ACO1: variants seen among roughly 807,000 people sequenced by gnomAD.
The protein encoded by ACO1 is aconitase 1.
Under a neutral mutation model 105.1 loss-of-function variants are expected in ACO1, and 78 were observed. The observed-to-expected ratio is 0.74, with a 90% CI of 0.62 to 0.90. The LOEUF (loss-of-function observed/expected upper bound fraction) is 0.90. Ranked by LOEUF, ACO1 falls within the 40% of genes least tolerant of loss-of-function variation. The pLI, the probability that ACO1 is intolerant of heterozygous loss-of-function variation, is 0.00. For missense variants in ACO1, 965 were observed against 1,111.1 expected (o/e 0.87, Z 1.87); for synonymous variants, 364 against 397.4 (o/e 0.92, Z 1.00).
rs969979591 is a variant in ACO1 at position 32,384,665 on chromosome 9, A to G, written c.-93A>G. ...GTGGAGGCGGCAGCTGGAACCGCGC[A>G]GCGCACGGGAACGCGTCCCGCTGCT... On this transcript the variant is annotated 5_prime_UTR_variant, in exon 1 of 21. Transcript: ENST00000309951. The G allele has an allele frequency of 7.5e-6, 3 of 399,262 alleles. No homozygotes were observed. The highest frequency in any genetic ancestry group is 1.7e-5 in the South Asian group (1 of 58,892). The allele number at this position is 399,262 out of a possible 1,614,324, so 24.7% of individuals were successfully genotyped here. A position where few individuals can be genotyped will look rare whatever the true frequency, so the allele number is the denominator to read the frequency against.
chr9:32,418,480 CATG>C lies in ACO1; in HGVS notation c.630_632del (p.Met210del). ...TCGTGGGCACAGACTCGCACACTAC[CATG>C]ATTGATGGCTTGGGCATTCTTGGTT... On this transcript the variant is annotated inframe_deletion, in exon 6 of 21. Coordinates refer to ENST00000309951, the MANE Select transcript of ACO1 (RefSeq NM_002197.3). The C allele has an allele frequency of 6.2e-7, 1 of 1,613,714 alleles. No homozygotes were observed. Among genetic ancestry groups the C allele is most frequent in the Non-Finnish European group, 8.5e-7 (1 of 1,179,670 alleles).
At chr9:32,413,904 CT>C (rs1213997472) in intron 4 of ACO1, among the ~76,000 whole-genome samples, 2 of 151,994 alleles carry the variant, frequency 1.3e-5, no homozygotes, top group African/African-American at 4.8e-5. Context: ...AATCCCAGCA[CT>C]TTGGGAGGCT....
At position 32,454,138 on chromosome 9, in the gene ACO1, C is replaced by A. The variant is rs145415507; in HGVS notation, c.*4027C>A. 1 of 152,252 alleles carries A rather than the reference C, an allele frequency of 6.6e-6. No individual in the cohort carries two copies. The highest frequency in any genetic ancestry group is 2.4e-5 in the African/African-American group (1 of 41,532). The allele number at this position is 152,252 out of a possible 1,614,324, so 9.4% of individuals were successfully genotyped here. ...TTCCACGGTCAGTACATTTGGGAACCACTGAGTTAAATGGGTTTTATCACT... is the reference window on the plus strand; with the variant it reads ...TTCCACGGTCAGTACATTTGGGAACAACTGAGTTAAATGGGTTTTATCACT... On this transcript the variant is annotated 3_prime_UTR_variant, in exon 21 of 21. Coordinates refer to ENST00000309951, the MANE Select transcript of ACO1 (RefSeq NM_002197.3).
At chr9:32,419,209 G>T in intron 7 of ACO1, 32 bp downstream of exon 7, 1 of 1,518,574 alleles carries the variant, frequency 6.6e-7, no homozygotes, top group Non-Finnish European at 8.9e-7. Flanking sequence ...TGTGGTCTTG[G>T]AAAGCCACAA....
At chr9:32,420,818 A>G (rs1478569965) in intron 7 of ACO1, 38 bp from the exon 8 acceptor site, 1 of 1,598,698 alleles carries the variant, frequency 6.3e-7, no homozygotes, top group Non-Finnish European at 8.6e-7. Context: ...AATGTGGGCC[A>G]TCAGATCTCA....
At chr9:32,385,005 G>T (rs1056311967) in intron 1 of ACO1, among the ~76,000 whole-genome samples, 6 of 152,226 alleles carry the variant, frequency 3.9e-5, no homozygotes, top group Non-Finnish European at 8.8e-5. Flanking sequence ...TTGGCTGTGC[G>T]TGCTGTCCTG....
intron 19 of ACO1, chr9:32,445,575 A>T: frequency 3.3e-6 from 1 of 306,184 alleles, no homozygotes; most frequent in South Asian, 2.5e-5. Context: ...GGATTCATTG[A>T]TTTGATTTTT....
At position 32,427,285 on chromosome 9, in the gene ACO1, G is replaced by GTTTA. The variant is rs1822120827; in HGVS notation, c.1349-15_1349-12dup. 1 of 1,613,874 alleles carries GTTTA rather than the reference G, an allele frequency of 6.2e-7. No individual in the cohort carries two copies. The highest frequency in any genetic ancestry group is 8.5e-7 in the Non-Finnish European group (1 of 1,179,968). On this transcript the variant is annotated splice_polypyrimidine_tract_variant and intron_variant, in intron 11 of 20. Transcript: ENST00000309951. ...AGGCAGCCTCCCACACTGCATCTGT[G>GTTTA]TTTACCATTTCACAGGATTGTTAGC...
rs148382201 is a variant in ACO1 at position 32,399,381 on chromosome 9, A to T, written c.-22-6104A>T. ...AACTAGCTATTAAAGAAGTACCAAG[A>T]TTGGCTTTTTAATGTCTCAACTTGG... On this transcript the variant is annotated intron_variant, in intron 1 of 20. Coordinates refer to ENST00000309951, the MANE Select transcript of ACO1 (RefSeq NM_002197.3). 1.4e-3 allele frequency among the ~76,000 whole-genome samples: 207 copies of T among 152,334 alleles called. 1 individual carries two copies. The highest frequency in any genetic ancestry group is 4.8e-3 in the African/African-American group (201 of 41,574).
chr9:32,412,536 T>C (rs552562894), intron 4 of ACO1, among the ~76,000 whole-genome samples: 136 of 152,292 alleles, frequency 8.9e-4, no homozygotes, highest in African/African-American at 3.2e-3. Flanking sequence ...CCAGTTAATA[T>C]TGCTAACATC....
At chr9:32,409,208 C>A (rs576034863) in intron 4 of ACO1, among the ~76,000 whole-genome samples, 1 of 152,308 alleles carries the variant, frequency 6.6e-6, no homozygotes, top group South Asian at 2.1e-4. Flanking sequence ...TACTTTCCAG[C>A]CTACGAAGCT....
chr9:32,391,528 T>C (rs962777688), intron 1 of ACO1, among the ~76,000 whole-genome samples: 2 of 152,264 alleles, frequency 1.3e-5, no homozygotes, highest in African/African-American at 4.8e-5. Flanking sequence ...TAAGGCTGTT[T>C]GTACATGAGT....
chr9:32,443,246 G>T (rs532802006), intron 19 of ACO1, among the ~76,000 whole-genome samples: 1 of 152,172 alleles, frequency 6.6e-6, no homozygotes, highest in African/African-American at 2.4e-5. Context: ...TATTCAAGAT[G>T]TAATTCCCTT....
intron 1 of ACO1, among the ~76,000 whole-genome samples, chr9:32,394,747 TAGG>T: frequency 6.6e-6 from 1 of 152,326 alleles, no homozygotes; most frequent in East Asian, 1.9e-4. Context: ...TGATCAGAAA[TAGG>T]AGCATCAGGT....
At chr9:32,429,592 T>C in intron 13 of ACO1, 89 bp downstream of exon 13, 1 of 1,136,226 alleles carries the variant, frequency 8.8e-7, no homozygotes, top group Non-Finnish European at 1.3e-6. Flanking sequence ...AGAAGGTCCA[T>C]GGAAGCAGGG....
chr9:32,413,505 T>A (rs529733947), intron 4 of ACO1, among the ~76,000 whole-genome samples: 2 of 151,706 alleles, frequency 1.3e-5, no homozygotes, highest in African/African-American at 2.4e-5. Context: ...AAAAAAAATC[T>A]TTTAGAAGTG....
rs776361289 is a variant in ACO1 at position 32,425,879 on chromosome 9, T to C, written c.1230T>C (p.Asn410=). The C allele has an allele frequency of 1.2e-6, 2 of 1,613,864 alleles. No individual in the cohort carries two copies. Among genetic ancestry groups the C allele is most frequent in the Admixed American group, 3.3e-5 (2 of 60,018 alleles). ...KGFQVAPEHH[N]DHKTFIYDNT... is the part of the protein sequence containing the mutation. The stretch of plus-strand genomic sequence containing the variant: ...TCCAAGTTGCTCCTGAACATCATAA[T>C]GACCATAAGACCTTTATCTATGATA... Residue 410 remains asparagine, a synonymous_variant, in exon 11 of 21, where the codon AAT becomes AAC. Coordinates refer to ENST00000309951, the MANE Select transcript of ACO1 (RefSeq NM_002197.3).
At chr9:32,421,664 C>T (rs34888676) in intron 8 of ACO1, among the ~76,000 whole-genome samples, 1,577 of 152,330 alleles carry the variant, frequency 0.01, 28 homozygotes, top group African/African-American at 0.037. Flanking sequence ...GCCTGGCCAA[C>T]ATGGCGAAAC....
intron 4 of ACO1, among the ~76,000 whole-genome samples, chr9:32,413,390 A>G (rs1479693879): frequency 6.6e-6 from 1 of 151,532 alleles, no homozygotes; most frequent in Non-Finnish European, 1.5e-5. Flanking sequence ...CGGCTGAGAC[A>G]GGGGAATCGC....
Sources: allele counts gnomAD v4.1 joint callset (sites outside exome capture counted in the v4.1 genomes callset), GRCh38; gene constraint gnomAD v4.1.1; transcripts MANE v1.5; gene names NCBI Gene and HGNC (gene_info 2026-07-23, HGNC 2026-07-21).